Variants in CDS2 observed in about 807,000 individuals in gnomAD.
CDS2 encodes the protein phosphatidate cytidylyltransferase 2.
CDS2 carries 47 observed loss-of-function variants against 59.0 expected under a neutral mutation model. That is an observed-to-expected ratio of 0.80 (90% CI 0.63 to 1.02). The LOEUF is 1.02. Among genes scored for constraint, CDS2 ranks in the 50% least tolerant of loss-of-function variants. The pLI is 0.00. For synonymous variants in CDS2, 207 were observed against 206.4 expected (o/e 1.00, Z -0.02); for missense variants, 356 against 558.9 (o/e 0.64, Z 3.66).
chr20:5,148,935 A>G (rs1457818361), intron 1 of CDS2, among the ~76,000 whole-genome samples: 1 of 152,230 alleles, frequency 6.6e-6, no homozygotes, highest in African/African-American at 2.4e-5. Flanking sequence ...ACTAAGGAGT[A>G]ACTGTTTTGA....
intron 1 of CDS2, among the ~76,000 whole-genome samples, chr20:5,160,674 T>TC (rs2090869982): frequency 6.6e-6 from 1 of 152,120 alleles, no homozygotes; most frequent in Non-Finnish European, 1.5e-5. Context: ...ATTTTCATCT[T>TC]CCCCAAATGA....
intron 1 of CDS2, among the ~76,000 whole-genome samples, chr20:5,151,787 G>A (rs979302543): frequency 2.4e-4 from 26 of 110,612 alleles, no homozygotes; most frequent in Non-Finnish European, 3.9e-4. Context: ...TTTTTGAGAC[G>A]GAGTTTCGCT....
At position 5,169,169 on chromosome 20, in the gene CDS2, C is replaced by T. The variant is rs372498074; in HGVS notation, c.58-4354C>T. Among the ~76,000 whole-genome samples the T allele has an allele frequency of 5.3e-4, 81 of 152,304 alleles. No individual in the cohort carries two copies. In the South Asian group the frequency reaches 0.014, roughly 26 times the overall value. On this transcript the variant is annotated intron_variant, in intron 1 of 12. Coordinates refer to ENST00000460006, the MANE Select transcript of CDS2 (RefSeq NM_003818.4). ...GAAATGGCTGAGGAACTGTGGGAGG[C>T]GGTGGTTGAGAGAGAACCTGAGAGG...
chr20:5,133,104 G>A (rs543113357), intron 1 of CDS2, among the ~76,000 whole-genome samples: 94 of 151,968 alleles, frequency 6.2e-4, no homozygotes, highest in African/African-American at 2.1e-3. Context: ...GAACCCGGGA[G>A]GCGGAGCTTG....
intron 2 of CDS2, 67 bp downstream of exon 2, chr20:5,173,726 G>C (rs970808967): frequency 1.6e-5 from 25 of 1,589,106 alleles, no homozygotes; most frequent in Non-Finnish European, 2.2e-5. Context: ...CCCTGGAAGA[G>C]CCTGCAGAGA....
chr20:5,184,707 G>T lies in CDS2; in HGVS notation c.672-151G>T. On this transcript the variant is annotated intron_variant, in intron 7 of 12. Transcript: ENST00000460006. This position sits in a 1 kb window ranked among gnomAD's most constrained non-coding sequence, Gnocchi z 4.3. ...GCTAGGTACTAGGTATGACTTTTTT[G>T]GTATTTTTTATGTTTTTAACTTACT... 12 of 667,638 alleles carry T rather than the reference G, an allele frequency of 1.8e-5. No individual in the cohort carries two copies. The highest frequency in any genetic ancestry group is 2.6e-4 in the Middle Eastern group (1 of 3,902). The allele number at this position is 667,638 out of a possible 1,614,324, so 41.4% of individuals were successfully genotyped here. A position where few individuals can be genotyped will look rare whatever the true frequency, so the allele number is the denominator to read the frequency against.
chr20:5,167,215 A>C (rs186524279), intron 1 of CDS2, among the ~76,000 whole-genome samples: 1 of 152,346 alleles, frequency 6.6e-6, no homozygotes, highest in Admixed American at 6.5e-5. Flanking sequence ...TAAGAAGCTG[A>C]ATCTGCCACA....
chr20:5,127,307 CT>C (rs978709610), intron 1 of CDS2, among the ~76,000 whole-genome samples, 158 bp downstream of exon 1: 1 of 152,092 alleles, frequency 6.6e-6, no homozygotes, highest in Non-Finnish European at 1.5e-5. Flanking sequence ...GGTGCCCGGC[CT>C]TCGCGGCGCG....
At chr20:5,179,729 T>C (rs189651280) in intron 5 of CDS2, among the ~76,000 whole-genome samples, 27 of 152,380 alleles carry the variant, frequency 1.8e-4, no homozygotes, top group Admixed American at 1.2e-3. Context: ...TCAGCTCTTT[T>C]GTAATCTAGA....
chr20:5,167,400 G>T (rs776050818), intron 1 of CDS2, among the ~76,000 whole-genome samples: 3 of 152,144 alleles, frequency 2.0e-5, no homozygotes, highest in Non-Finnish European at 4.4e-5. Context: ...ATTCAGAGTG[G>T]GGTCCTCCTT....
At chr20:5,165,141 T>A (rs2090904286) in intron 1 of CDS2, among the ~76,000 whole-genome samples, 1 of 152,304 alleles carries the variant, frequency 6.6e-6, no homozygotes, top group Middle Eastern at 3.4e-3. Context: ...AGCCTTGCAT[T>A]CCTAGAAGCT....
At chr20:5,163,149 G>T (rs1238964543) in intron 1 of CDS2, among the ~76,000 whole-genome samples, 1 of 152,200 alleles carries the variant, frequency 6.6e-6, no homozygotes, top group Admixed American at 6.5e-5. Context: ...TTCGAGACCA[G>T]CCTGGGCAAT....
intron 1 of CDS2, among the ~76,000 whole-genome samples, chr20:5,156,349 G>A (rs1294752166): frequency 1.3e-5 from 2 of 152,228 alleles, no homozygotes; most frequent in Non-Finnish European, 2.9e-5. Flanking sequence ...ATGAACTAGT[G>A]TGGGTGGGAA....
Position 5,194,861 on chromosome 20 carries a change from C to T in CDS2, c.*4627C>T, listed in dbSNP as rs902100630. ...TCAGTGTGTTTATTAATAAGGATTG[C>T]AATAGTATAGTGCTTAATATGTGCC... On this transcript the variant is annotated 3_prime_UTR_variant, in exon 13 of 13. Transcript: ENST00000460006. 1 of 151,868 alleles carries T rather than the reference C, an allele frequency of 6.6e-6. No homozygotes were observed. The highest frequency in any genetic ancestry group is 2.4e-5 in the African/African-American group (1 of 41,334). 9.4% of individuals were successfully genotyped at this position (151,868 alleles called of 1,614,324 possible).
Position 5,189,725 on chromosome 20 carries a change from C to T in CDS2, c.1102-10C>T. The stretch of plus-strand genomic sequence containing the variant: ...CCCAAGTTCACCCATCCTTCCCCTG[C>T]CTCTAACAGGACTTTGCCAATACCA... On this transcript the variant is annotated splice_polypyrimidine_tract_variant and intron_variant, in intron 11 of 12. Transcript: ENST00000460006. 3 of 1,608,406 alleles carry T rather than the reference C, an allele frequency of 1.9e-6. No homozygotes were observed. Among genetic ancestry groups the T allele is most frequent in the Non-Finnish European group, 2.6e-6 (3 of 1,175,360 alleles).
chr20:5,129,061 C>G (rs531104869), intron 1 of CDS2, among the ~76,000 whole-genome samples: 2 of 152,200 alleles, frequency 1.3e-5, no homozygotes, highest in African/African-American at 4.8e-5. Flanking sequence ...CTGGGAGGAC[C>G]TGAGGAGCTG....
At chr20:5,178,644 G>C (rs1409758203) in intron 4 of CDS2, among the ~76,000 whole-genome samples, 173 bp from the exon 5 acceptor site, 2 of 152,102 alleles carry the variant, frequency 1.3e-5, no homozygotes, top group Non-Finnish European at 2.9e-5. Flanking sequence ...TCTCACCTAC[G>C]GTGTCACCAG....
chr20:5,160,523 A>C (rs906136110), intron 1 of CDS2, among the ~76,000 whole-genome samples: 1 of 152,206 alleles, frequency 6.6e-6, no homozygotes, highest in African/African-American at 2.4e-5. Context: ...ACATGTGGCC[A>C]ATTAAACCTT....
chr20:5,189,077 G>A lies in CDS2; in HGVS notation c.992G>A (p.Arg331Gln), dbSNP rs764329209. 2.8e-5 allele frequency: 45 copies of A among 1,614,016 alleles called. No homozygotes were observed. Among genetic ancestry groups the A allele is most frequent in the African/African-American group, 4.0e-5 (3 of 74,912 alleles). The change falls in exon 11 of 13, where the codon CGG (arginine) becomes CAG (glutamine). Residue 331 changes from arginine to glutamine, a missense_variant. Transcript: ENST00000460006. ...IQSVIGWKTV[R>Q]MYPFQIHSIA... Reference sequence around the variant, plus strand: ...ATTTACTCTTCTCAGAAAACGGTCCGGATGTACCCCTTCCAGATTCACAGC... The same window carrying A: ...ATTTACTCTTCTCAGAAAACGGTCCAGATGTACCCCTTCCAGATTCACAGC...
Sources: allele counts gnomAD v4.1 joint callset (sites outside exome capture counted in the v4.1 genomes callset), GRCh38; gene constraint gnomAD v4.1.1; non-coding constraint Gnocchi (gnomAD v3.1); transcripts MANE v1.5; gene names NCBI Gene and HGNC (gene_info 2026-07-23, HGNC 2026-07-21).